Variants in CACNA1S observed in about 807,000 individuals in gnomAD.
CACNA1S encodes the protein calcium voltage-gated channel subunit alpha1 S, also known as voltage-dependent L-type calcium channel subunit alpha-1S.
A neutral mutation model predicts 207.4 loss-of-function variants in CACNA1S; 126 were observed. The observed-to-expected ratio is 0.61, with a 90% CI of 0.53 to 0.70. The LOEUF (loss-of-function observed/expected upper bound fraction) is 0.70. Ranked by LOEUF, CACNA1S falls within the 30% of genes least tolerant of loss-of-function variation. The pLI is 0.00. For missense variants in CACNA1S, 2,349 were observed against 2,422.8 expected, an observed-to-expected ratio of 0.97 and a Z score of 0.64; for synonymous variants, 960 against 932.7, an observed-to-expected ratio of 1.03 and a Z score of -0.53.
intron 29 of CACNA1S, among the ~76,000 whole-genome samples, chr1:201,054,299 A>G (rs1660757782): frequency 6.6e-6 from 1 of 152,116 alleles, no homozygotes; most frequent in Admixed American, 6.5e-5. Flanking sequence ...CAGGGCTCTG[A>G]GGAAGCCGCT....
At chr1:201,069,622 G>A in intron 17 of CACNA1S, 21 bp from the exon 18 acceptor site, 2 of 1,551,228 alleles carry the variant, frequency 1.3e-6, no homozygotes, top group African/African-American at 1.4e-5. Flanking sequence ...GAGGTAGGGA[G>A]GGCAGGGGAG....
chr1:201,051,660 T>C (rs543780572), intron 32 of CACNA1S, among the ~76,000 whole-genome samples: 2 of 152,338 alleles, frequency 1.3e-5, no homozygotes, highest in Admixed American at 1.3e-4. Context: ...TTCCAGTAAC[T>C]GCTACAACCT....
At chr1:201,059,163 T>G (rs749680010) in intron 27 of CACNA1S, 26 bp downstream of exon 27, 1 of 1,466,016 alleles carries the variant, frequency 6.8e-7, no homozygotes, top group South Asian at 1.1e-5. Context: ...CAGCTTCTCA[T>G]CTGGCCCGGT....
rs1175591941 is a variant in CACNA1S at position 201,093,887 on chromosome 1, G to A, written c.393C>T (p.Phe131=). The A allele has an allele frequency of 1.2e-5, 20 of 1,613,948 alleles. No homozygotes were observed. The highest frequency in any genetic ancestry group is 1.6e-5 in the Non-Finnish European group (19 of 1,180,032). ...TCCCCACACCCAGCTCTCACCCCAG[G>A]AAGACAATGGTGAAGTCCAGCACAT... ...GWNVLDFTIV[F]LGVFTVILEQ... The change falls in exon 3 of 44, where the codon TTC becomes TTT. Residue 131 remains phenylalanine, a synonymous_variant. Coordinates refer to ENST00000362061, the MANE Select transcript of CACNA1S (RefSeq NM_000069.3).
chr1:201,111,546 C>T (rs1663104743), intron 1 of CACNA1S, among the ~76,000 whole-genome samples: 1 of 152,092 alleles, frequency 6.6e-6, no homozygotes, highest in South Asian at 2.1e-4. Context: ...TGTCTTGGAG[C>T]CACTGAGACC....
intron 19 of CACNA1S, among the ~76,000 whole-genome samples, chr1:201,067,573 T>C (rs1179557703): frequency 6.6e-6 from 1 of 152,200 alleles, no homozygotes; most frequent in African/African-American, 2.4e-5. Flanking sequence ...TTCAGGGACC[T>C]ATATGATTTT....
rs148945933 is a variant in CACNA1S, at chr1:201,067,132, A to G, written c.2551-139T>C. 7.0e-3 allele frequency: 4,952 copies of G among 711,770 alleles called. 33 individuals are homozygous for G. Among genetic ancestry groups the G allele is most frequent in the Non-Finnish European group, 8.9e-3 (3,408 of 383,370 alleles). 44.1% of individuals were successfully genotyped at this position (711,770 alleles called of 1,614,324 possible). A position where few individuals can be genotyped will look rare whatever the true frequency, so the allele number is the denominator to read the frequency against. The stretch of plus-strand genomic sequence containing the variant: ...TCCAGAAATCTCTATATTTCACTCA[A>G]CTCCTTGCAGTGGCCTAAATGCATT... On this transcript the variant is annotated intron_variant, in intron 19 of 43. Coordinates refer to ENST00000362061, the MANE Select transcript of CACNA1S (RefSeq NM_000069.3).
intron 2 of CACNA1S, among the ~76,000 whole-genome samples, chr1:201,106,365 G>C (rs1289066278): frequency 6.6e-6 from 1 of 151,922 alleles, no homozygotes; most frequent in Non-Finnish European, 1.5e-5. Context: ...CATGGGGCCT[G>C]AGAGATTTTT....
At chr1:201,069,281 G>T in intron 18 of CACNA1S, 85 bp from the exon 19 acceptor site, 1 of 1,470,080 alleles carries the variant, frequency 6.8e-7, no homozygotes, top group Non-Finnish European at 9.5e-7. Context: ...AAAGCAGGCA[G>T]TCAGAGCCAT....
intron 38 of CACNA1S, among the ~76,000 whole-genome samples, chr1:201,045,194 T>G (rs189315096): frequency 1.3e-5 from 2 of 152,354 alleles, no homozygotes; most frequent in African/African-American, 4.8e-5. Context: ...GAATCATTTC[T>G]GTGGCATTCT....
At position 201,089,352 on chromosome 1, in the gene CACNA1S, T is replaced by C. The variant is rs1028599438; in HGVS notation, c.806A>G (p.Asn269Ser). 9.9e-6 allele frequency: 16 copies of C among 1,614,216 alleles called. No individual in the cohort carries two copies. Among genetic ancestry groups the C allele is most frequent in the African/African-American group, 1.3e-5 (1 of 75,054 alleles). ...GTTGTCGAAGTGGGTGATGCCATGG[T>C]TGGGCCCTGGCCAGCCGCCCCGGCA... is the stretch of plus-strand genomic sequence containing the variant. ...SECRGGWPGP[N>S]HGITHFDNFG... is the part of the protein sequence containing the mutation. The change falls in exon 6 of 44, where the codon AAC becomes AGC. Residue 269 changes from asparagine (N) to serine (S), a missense_variant. By Grantham distance (46) the Asn-to-Ser change is conservative. Coordinates refer to ENST00000362061, the MANE Select transcript of CACNA1S (RefSeq NM_000069.3).
chr1:201,076,777 GGGAGCCCAGAGAA>G, intron 12 of CACNA1S, 130 bp downstream of exon 12: 3 of 786,574 alleles, frequency 3.8e-6, no homozygotes, highest in South Asian at 2.8e-5. Context: ...CAGGTGATAG[GGGAGCCCAGAGAA>G]GGACATTGCA....
In CACNA1S at chr1:201,091,952, G is replaced by T. The variant is rs1290195954; in HGVS notation, c.541+20C>A. The stretch of plus-strand genomic sequence containing the variant: ...AGGAAGGGAGAGGAGAAAGGGGTCT[G>T]CAGGGACACTGCCACCCACTAGGCA... On this transcript the variant is annotated intron_variant, in intron 4 of 43. Transcript: ENST00000362061. The T allele has an allele frequency of 5.6e-6, 9 of 1,613,694 alleles. No individual in the cohort carries two copies. In the African/African-American group the frequency reaches 9.3e-5, roughly 17 times the overall value.
chr1:201,093,697 T>C (rs1662317539), intron 3 of CACNA1S, among the ~76,000 whole-genome samples, 185 bp downstream of exon 3: 1 of 152,148 alleles, frequency 6.6e-6, no homozygotes, highest in South Asian at 2.1e-4. Context: ...TCGGGGGCAA[T>C]GATCCACTCT....
rs1661256694 is a variant in CACNA1S, at chr1:201,066,733, G to A, written c.2657+154C>T. Among the ~76,000 whole-genome samples, 1 of 152,184 alleles carries A rather than the reference G, an allele frequency of 6.6e-6. No homozygotes were observed. ...GGTGGCAACCCACATTCCAGCTGGTGACAACCCACAGGACCCCCTGCCTCC... is the reference window on the plus strand; with the variant it reads ...GGTGGCAACCCACATTCCAGCTGGTAACAACCCACAGGACCCCCTGCCTCC... On this transcript the variant is annotated intron_variant, in intron 20 of 43. Coordinates refer to ENST00000362061, the MANE Select transcript of CACNA1S (RefSeq NM_000069.3). This position sits in a 1 kb window ranked among gnomAD's most constrained non-coding sequence, Gnocchi z 4.3.
At chr1:201,106,945 C>A (rs1276022879) in intron 2 of CACNA1S, among the ~76,000 whole-genome samples, 2 of 152,350 alleles carry the variant, frequency 1.3e-5, no homozygotes, top group African/African-American at 2.4e-5. Context: ...AGGGTAGAGA[C>A]AACCAGAGCC....
chr1:201,066,423 G>A lies in CACNA1S; in HGVS notation c.2658-107C>T. On this transcript the variant is annotated intron_variant, in intron 20 of 43. Coordinates refer to ENST00000362061, the MANE Select transcript of CACNA1S (RefSeq NM_000069.3). The surrounding 1 kb of genome is among the most constrained non-coding windows in gnomAD (Gnocchi z 4.3). ...TGCCCTCCACACCAGCTGCCTTTCTGCCTGAAAACACTCCCACCTTCCCCT... is the reference window on the plus strand; with the variant it reads ...TGCCCTCCACACCAGCTGCCTTTCTACCTGAAAACACTCCCACCTTCCCCT... 1 of 961,906 alleles carries A rather than the reference G, an allele frequency of 1.0e-6. No homozygotes were observed. Among genetic ancestry groups the A allele is most frequent in the Admixed American group, 1.7e-5 (1 of 57,942 alleles). The allele number at this position is 961,906 out of a possible 1,614,324, so 59.6% of individuals were successfully genotyped here.
chr1:201,088,647 G>T (rs897720207), intron 6 of CACNA1S, among the ~76,000 whole-genome samples: 5 of 152,150 alleles, frequency 3.3e-5, no homozygotes, highest in African/African-American at 1.2e-4. Flanking sequence ...ATCTCTCTGA[G>T]CCTCAGTTTC....
Position 201,092,077 on chromosome 1 carries a change from G to A in CACNA1S, c.436C>T (p.Gln146Ter). 1 of 1,614,082 alleles carries A rather than the reference G, an allele frequency of 6.2e-7. No homozygotes were observed. The highest frequency in any genetic ancestry group is 8.5e-7 in the Non-Finnish European group (1 of 1,180,016). ...CTGCTCATTGGGGCTGTGTGGCTTTGGATGACGTTAACCTGTTCCAGAATC... is the reference window on the plus strand; with the variant it reads ...CTGCTCATTGGGGCTGTGTGGCTTTAGATGACGTTAACCTGTTCCAGAATC... ...TVILEQVNVI[Q>*]SHTAPMSSKG... The change falls in exon 4 of 44, where the codon CAA becomes TAA. Residue 146 changes from glutamine (Q) to a stop codon, truncating the protein, a stop_gained. Coordinates refer to ENST00000362061, the MANE Select transcript of CACNA1S (RefSeq NM_000069.3). LOFTEE classifies it high-confidence loss of function.
Sources: gnomAD v4.1 joint callset for allele counts (sites outside exome capture counted in the v4.1 genomes callset) on GRCh38, gnomAD v4.1.1 for gene constraint, Gnocchi (gnomAD v3.1) non-coding constraint, MANE v1.5 for transcripts, NCBI Gene and HGNC (gene_info 2026-07-23, HGNC 2026-07-21) for gene names.